Variants in IL1RAPL1 observed in about 807,000 individuals in gnomAD.
The protein encoded by IL1RAPL1 is interleukin-1 receptor accessory protein-like 1.
Under a neutral mutation model 48.4 loss-of-function variants are expected in IL1RAPL1, and 3 were observed. The ratio of observed to expected loss-of-function variants is 0.06; its 90% CI spans 0.03 to 0.16. The LOEUF (loss-of-function observed/expected upper bound fraction) is 0.16. Ranked by LOEUF, IL1RAPL1 falls within the 10% of genes least tolerant of loss-of-function variation. The pLI, the probability that IL1RAPL1 is intolerant of heterozygous loss-of-function variation, is 1.00. For missense variants in IL1RAPL1, 349 were observed against 530.6 expected (o/e 0.66, Z 3.36); for synonymous variants, 185 against 187.7 (o/e 0.99, Z 0.12).
intron 6 of IL1RAPL1, among the ~76,000 whole-genome samples, chrX:29,906,822 A>G (rs933515809): frequency 9.1e-6 from 1 of 110,020 alleles, no homozygotes; most frequent in African/African-American, 3.3e-5. Flanking sequence ...TAAAAATTCA[A>G]ATCCCTGGAA....
At chrX:29,208,941 T>C (rs979001383) in intron 2 of IL1RAPL1, among the ~76,000 whole-genome samples, 2 of 110,026 alleles carry the variant, frequency 1.8e-5, no homozygotes, top group African/African-American at 3.3e-5. Context: ...ATTTTTCCCA[T>C]TTGACAATTG....
At chrX:29,052,091 C>G (rs1283043974) in intron 2 of IL1RAPL1, among the ~76,000 whole-genome samples, 1 of 111,704 alleles carries the variant, frequency 9.0e-6, no homozygotes, top group East Asian at 2.8e-4. Context: ...AATTTAGCAC[C>G]TCTATTAAAT....
intron 1 of IL1RAPL1, among the ~76,000 whole-genome samples, chrX:28,739,776 C>G (rs1391039441): frequency 9.0e-6 from 1 of 111,245 alleles, no homozygotes; most frequent in African/African-American, 3.3e-5. Flanking sequence ...TGCTATCTCT[C>G]TTTCTAGTTT....
intron 1 of IL1RAPL1, among the ~76,000 whole-genome samples, chrX:28,768,824 GTATATATA>G (rs200366562): frequency 0.019 from 1,380 of 71,165 alleles, 29 homozygotes; most frequent in African/African-American, 0.065. Context: ...ATGTGTGTGT[GTATATATA>G]TATATATATA....
intron 2 of IL1RAPL1, among the ~76,000 whole-genome samples, chrX:29,079,584 A>G (rs1289404445): frequency 9.1e-6 from 1 of 109,612 alleles, no homozygotes; most frequent in African/African-American, 3.3e-5. Flanking sequence ...TGTCTCCACT[A>G]GACAGCCAGA....
intron 6 of IL1RAPL1, among the ~76,000 whole-genome samples, chrX:29,865,207 T>A (rs904556410): frequency 6.3e-5 from 7 of 111,857 alleles, no homozygotes; most frequent in Admixed American, 1.9e-4. Flanking sequence ...GAAAATTCCA[T>A]GAAAAGCAAA....
chrX:28,947,512 T>C (rs912109386), intron 2 of IL1RAPL1, among the ~76,000 whole-genome samples: 8 of 110,105 alleles, frequency 7.3e-5, no homozygotes, highest in African/African-American at 2.6e-4. Flanking sequence ...ATGAGAACAG[T>C]TGGACACAGG....
At chrX:28,831,322 C>T (rs1224629926) in intron 2 of IL1RAPL1, among the ~76,000 whole-genome samples, 1 of 104,627 alleles carries the variant, frequency 9.6e-6, no homozygotes, top group Non-Finnish European at 1.9e-5. Context: ...TCTTGTTTGT[C>T]CCATGTGGCT....
intron 1 of IL1RAPL1, among the ~76,000 whole-genome samples, chrX:28,616,583 G>A (rs1319366694): frequency 3.6e-5 from 4 of 110,681 alleles, no homozygotes; most frequent in Admixed American, 9.6e-5. Flanking sequence ...ACAGGCGTAC[G>A]CCACCATGCC....
chrX:29,578,442 G>A (rs1166325147), intron 5 of IL1RAPL1, among the ~76,000 whole-genome samples: 7 of 111,753 alleles, frequency 6.3e-5, no homozygotes, highest in Non-Finnish European at 1.9e-5. Context: ...TGTTGGGCAC[G>A]TAACAAACAT....
intron 1 of IL1RAPL1, among the ~76,000 whole-genome samples, chrX:28,739,406 G>A (rs777138881): frequency 3.0e-4 from 33 of 111,346 alleles, no homozygotes; most frequent in African/African-American, 9.2e-4. Context: ...TTACACTTCT[G>A]TACCAACAAT....
intron 5 of IL1RAPL1, among the ~76,000 whole-genome samples, chrX:29,413,903 A>G (rs1275406793): frequency 9.1e-6 from 1 of 110,481 alleles, no homozygotes; most frequent in Admixed American, 9.8e-5. Context: ...ATGTATACAA[A>G]TGCATACATA....
At position 28,792,840 on chromosome X, in the gene IL1RAPL1, TATATATATATAA is replaced by T. The variant is rs1265324953; in HGVS notation, c.82+3417_82+3428del. ...AAATATATATATATATATATATATA[TATATATATATAA>T]AAAATAAGGCAATTATATCATTATA... On this transcript the variant is annotated intron_variant, in intron 2 of 10. Coordinates refer to ENST00000378993, the MANE Select transcript of IL1RAPL1 (RefSeq NM_014271.4). 6.5e-3 allele frequency among the ~76,000 whole-genome samples: 398 copies of T among 60,837 alleles called. 16 individuals carry two copies. The highest frequency in any genetic ancestry group is 0.028 in the African/African-American group (346 of 12,422). The allele number at this position is 60,837 out of a possible 115,157, so 52.8% of individuals were successfully genotyped here. A position where few individuals can be genotyped will look rare whatever the true frequency, so the allele number is the denominator to read the frequency against.
chrX:29,179,439 G>T (rs183731631), intron 2 of IL1RAPL1, among the ~76,000 whole-genome samples: 1 of 111,756 alleles, frequency 8.9e-6, no homozygotes, highest in East Asian at 2.8e-4. Flanking sequence ...TGTATTCTAG[G>T]ATAGCTAGTG....
intron 2 of IL1RAPL1, among the ~76,000 whole-genome samples, chrX:29,116,224 A>G (rs1928676117): frequency 9.0e-6 from 1 of 111,010 alleles, no homozygotes; most frequent in South Asian, 3.8e-4. Flanking sequence ...TCCAATAGCA[A>G]GGGGGGGATT....
intron 6 of IL1RAPL1, among the ~76,000 whole-genome samples, chrX:29,785,829 C>T (rs1929482661): frequency 9.0e-6 from 1 of 111,184 alleles, no homozygotes; most frequent in African/African-American, 3.3e-5. Flanking sequence ...AATATGAAGA[C>T]CAAGCTCTGG....
chrX:29,439,475 G>A (rs768124635), intron 5 of IL1RAPL1, among the ~76,000 whole-genome samples: 12 of 111,570 alleles, frequency 1.1e-4, no homozygotes, highest in Non-Finnish European at 2.1e-4. Flanking sequence ...GCCTATTCCA[G>A]TAGGAAACAC....
chrX:28,798,610 C>T (rs1251172202), intron 2 of IL1RAPL1, among the ~76,000 whole-genome samples: 1 of 111,990 alleles, frequency 8.9e-6, no homozygotes, highest in East Asian at 2.8e-4. Flanking sequence ...AGACATCTTT[C>T]TAGAGAACAT....
chrX:29,555,228 C>A (rs1197645304), intron 5 of IL1RAPL1, among the ~76,000 whole-genome samples: 1 of 112,586 alleles, frequency 8.9e-6, no homozygotes, highest in Non-Finnish European at 1.9e-5. Flanking sequence ...TATAAATGTA[C>A]TTTTAGACAA....
Sources: gnomAD v4.1 joint callset for allele counts (sites outside exome capture counted in the v4.1 genomes callset) on GRCh38, gnomAD v4.1.1 for gene constraint, MANE v1.5 for transcripts, NCBI Gene and HGNC (gene_info 2026-07-23, HGNC 2026-07-21) for gene names.